Variants in STK40 observed in about 807,000 individuals in gnomAD.
The protein encoded by STK40 is serine/threonine-protein kinase 40.
STK40 carries 13 observed loss-of-function variants against 47.9 expected under a neutral mutation model. That is an observed-to-expected ratio of 0.27 (90% CI 0.18 to 0.43). The LOEUF is 0.43. Among genes scored for constraint, STK40 ranks in the 20% least tolerant of loss-of-function variants. The pLI, the probability that STK40 is intolerant of heterozygous loss-of-function variation, is 1.00. For synonymous variants in STK40, 225 were observed against 243.2 expected (o/e 0.93, Z 0.69); for missense variants, 460 against 595.1 (o/e 0.77, Z 2.36).
intron 4 of STK40, among the ~76,000 whole-genome samples, chr1:36,356,626 C>A (rs903836591): frequency 6.6e-6 from 1 of 151,868 alleles, no homozygotes; most frequent in Admixed American, 6.6e-5. Flanking sequence ...GGGGTTTCAC[C>A]GTGTTAGCCA....
intron 1 of STK40, chr1:36,366,169 T>TGCCTACGC (rs940693491): frequency 6.6e-6 from 1 of 151,808 alleles, no homozygotes; most frequent in African/African-American, 2.4e-5. Context: ...GTGTAGACGC[T>TGCCTACGC]GCCTACGCGC....
chr1:36,383,760 T>C (rs1647061041), intron 1 of STK40, among the ~76,000 whole-genome samples: 1 of 152,178 alleles, frequency 6.6e-6, no homozygotes, highest in Non-Finnish European at 1.5e-5. Context: ...TTGCACCATA[T>C]CAACTTCCAT....
intron 7 of STK40, among the ~76,000 whole-genome samples, chr1:36,345,997 T>TTTTTTTTTTTTC (rs1646698981): frequency 1.6e-5 from 1 of 60,724 alleles, no homozygotes; most frequent in Non-Finnish European, 3.2e-5. Flanking sequence ...ATATATTTTT[T>TTTTTTTTTTTTC]TTTTTTTTTT....
chr1:36,349,041 C>T (rs776484624), intron 6 of STK40, among the ~76,000 whole-genome samples: 6 of 152,234 alleles, frequency 3.9e-5, no homozygotes, highest in Non-Finnish European at 7.3e-5. Context: ...CAGCAGGGAT[C>T]GGCTTCTCTC....
intron 1 of STK40, among the ~76,000 whole-genome samples, chr1:36,382,399 G>C (rs1375690178): frequency 1.3e-5 from 2 of 152,000 alleles, no homozygotes; most frequent in African/African-American, 2.4e-5. Context: ...GACTGGTCTT[G>C]AACTCCTAGG....
intron 1 of STK40, among the ~76,000 whole-genome samples, chr1:36,364,948 T>C (rs1406430348): frequency 6.6e-6 from 1 of 152,084 alleles, no homozygotes; most frequent in Non-Finnish European, 1.5e-5. Context: ...TCTTCACCAG[T>C]AAGGTGAAAT....
intron 6 of STK40, among the ~76,000 whole-genome samples, chr1:36,350,853 G>A (rs891611657): frequency 6.6e-6 from 1 of 152,212 alleles, no homozygotes; most frequent in African/African-American, 2.4e-5. Flanking sequence ...AGGCTCTGCA[G>A]GGCTGAGCGG....
At chr1:36,356,501 C>A (rs1224393370) in intron 4 of STK40, among the ~76,000 whole-genome samples, 2 of 147,500 alleles carry the variant, frequency 1.4e-5, no homozygotes, top group Non-Finnish European at 1.5e-5. Context: ...TCTCGGCTCA[C>A]TGCAAGCTCT....
rs528997688 is a variant in STK40 at position 36,385,860 on chromosome 1, AGCC to A, written c.-149_-147del. The A allele has an allele frequency of 1.2e-3, 215 of 174,626 alleles. No homozygotes were observed. The highest frequency in any genetic ancestry group is 3.7e-3 in the South Asian group (27 of 7,314). The allele number at this position is 174,626 out of a possible 1,614,324, so 10.8% of individuals were successfully genotyped here. A position where few individuals can be genotyped will look rare whatever the true frequency, so the allele number is the denominator to read the frequency against. On this transcript the variant is annotated 5_prime_UTR_variant, in exon 1 of 11. Coordinates refer to ENST00000373132, the MANE Select transcript of STK40 (RefSeq NM_001282547.2). ...CGCCGCCTCCCAGCGCAGCCACCCG[AGCC>A]GCCGCCGCCGCCGCCGCCGCCTCCC... is the stretch of plus-strand genomic sequence containing the variant.
chr1:36,375,325 G>A (rs1042123563), intron 1 of STK40, among the ~76,000 whole-genome samples: 1 of 152,022 alleles, frequency 6.6e-6, no homozygotes, highest in Non-Finnish European at 1.5e-5. Context: ...TGGCCAACAC[G>A]GTGAAACCCC....
At chr1:36,362,291 A>G (rs986427369) in intron 1 of STK40, among the ~76,000 whole-genome samples, 3 of 152,202 alleles carry the variant, frequency 2.0e-5, no homozygotes, top group Non-Finnish European at 2.9e-5. Context: ...AAGGAAACAG[A>G]TGTGTACAGA....
chr1:36,350,265 G>T lies in STK40; in HGVS notation c.624-1450C>A, dbSNP rs113088285. On this transcript the variant is annotated intron_variant, in intron 6 of 10. Transcript: ENST00000373132. Reference sequence around the variant, plus strand: ...TCACTTGCACGTCAAGGAGTGGGCTGCTCTAGCTCTGAAGCTCCAGTGCCG... The same window carrying T: ...TCACTTGCACGTCAAGGAGTGGGCTTCTCTAGCTCTGAAGCTCCAGTGCCG... Among the ~76,000 whole-genome samples, 991 of 152,322 alleles carry T rather than the reference G, an allele frequency of 6.5e-3. 8 individuals carry two copies. The highest frequency in any genetic ancestry group is 0.022 in the African/African-American group (931 of 41,562).
intron 4 of STK40, among the ~76,000 whole-genome samples, chr1:36,356,418 CTTTTT>C (rs1002682531): frequency 5.1e-5 from 6 of 116,808 alleles, no homozygotes; most frequent in African/African-American, 1.3e-4. Flanking sequence ...TCTTCTTTTT[CTTTTT>C]TTTTTTTTTT....
intron 1 of STK40, among the ~76,000 whole-genome samples, chr1:36,366,343 C>A (rs1010816113): frequency 6.6e-6 from 1 of 152,264 alleles, no homozygotes; most frequent in Admixed American, 6.5e-5. Flanking sequence ...TGGCAACAGA[C>A]GCGCAGGGAG....
chr1:36,342,239 G>A (rs918514290), intron 10 of STK40: 23 of 501,238 alleles, frequency 4.6e-5, no homozygotes, highest in Non-Finnish European at 7.7e-5. Context: ...CTGGCTGCGT[G>A]AGAGGTCACT....
At chr1:36,345,165 T>C (rs1258938820) in intron 7 of STK40, among the ~76,000 whole-genome samples, 1 of 152,248 alleles carries the variant, frequency 6.6e-6, no homozygotes, top group Non-Finnish European at 1.5e-5. Flanking sequence ...GCCCACTCCC[T>C]GCGATGCACC....
intron 1 of STK40, among the ~76,000 whole-genome samples, chr1:36,385,430 C>T (rs1647077383): frequency 6.6e-6 from 1 of 152,194 alleles, no homozygotes; most frequent in African/African-American, 2.4e-5. Flanking sequence ...ACGCCGGTTG[C>T]TTCACTCACT....
intron 1 of STK40, among the ~76,000 whole-genome samples, chr1:36,364,406 CT>C (rs1646883720): frequency 6.6e-6 from 1 of 152,188 alleles, no homozygotes; most frequent in Admixed American, 6.5e-5. Flanking sequence ...TTTCCTTACT[CT>C]TATAAATGGC....
intron 1 of STK40, among the ~76,000 whole-genome samples, chr1:36,380,366 G>T (rs1343283646): frequency 6.6e-6 from 1 of 152,178 alleles, no homozygotes; most frequent in Non-Finnish European, 1.5e-5. Flanking sequence ...GTCCAATCCA[G>T]CTGAGGGACA....
Sources: gnomAD v4.1 joint callset for allele counts (sites outside exome capture counted in the v4.1 genomes callset) on GRCh38, gnomAD v4.1.1 for gene constraint, MANE v1.5 for transcripts, NCBI Gene and HGNC (gene_info 2026-07-23, HGNC 2026-07-21) for gene names.